PHLDB2: variants seen among roughly 807,000 people sequenced by gnomAD.
PHLDB2 encodes pleckstrin homology like domain family B member 2.
Under a neutral mutation model 123.6 loss-of-function variants are expected in PHLDB2, and 71 were observed. That is an observed-to-expected ratio of 0.57 (90% CI 0.47 to 0.70). The LOEUF (loss-of-function observed/expected upper bound fraction) is 0.70, where lower values mean the gene tolerates loss of function less well. Among genes scored for constraint, PHLDB2 ranks in the 30% least tolerant of loss-of-function variants. The probability of loss-of-function intolerance (pLI) is 0.00; values close to 1 mark genes in which losing one functional copy is unlikely to be tolerated. For synonymous variants in PHLDB2, 547 were observed against 541.6 expected (o/e 1.01, Z -0.14); for missense variants, 1,446 against 1,519.5 (o/e 0.95, Z 0.80).
intron 1 of PHLDB2, among the ~76,000 whole-genome samples, chr3:111,791,147 C>T (rs1460506474): frequency 1.3e-5 from 2 of 152,162 alleles, no homozygotes; most frequent in Non-Finnish European, 2.9e-5. Flanking sequence ...TGATGAGTTA[C>T]ACTGTAGGTG....
At chr3:111,972,971 T>G (rs566765426) in intron 16 of PHLDB2, among the ~76,000 whole-genome samples, 2 of 152,196 alleles carry the variant, frequency 1.3e-5, no homozygotes, top group African/African-American at 2.4e-5. Context: ...TACTAGGGTA[T>G]GATAGAGTCT....
chr3:111,920,592 G>T (rs1225158509), intron 5 of PHLDB2, among the ~76,000 whole-genome samples, 173 bp downstream of exon 5: 5 of 152,290 alleles, frequency 3.3e-5, no homozygotes, highest in East Asian at 1.9e-4. Flanking sequence ...ACCAAGAACT[G>T]CCAGGTACTG....
intron 1 of PHLDB2, among the ~76,000 whole-genome samples, chr3:111,754,379 T>C (rs1351291838): frequency 1.3e-4 from 18 of 141,076 alleles, no homozygotes; most frequent in Admixed American, 3.6e-4. Context: ...CCTTGTAAGT[T>C]GGATTCCTAG....
chr3:111,861,739 G>A (rs1261039157), intron 1 of PHLDB2, among the ~76,000 whole-genome samples: 1 of 152,208 alleles, frequency 6.6e-6, no homozygotes, highest in Admixed American at 6.5e-5. Flanking sequence ...AAACTCGTTA[G>A]CAACCTTTCC....
chr3:111,821,663 C>T (rs1018665575), intron 1 of PHLDB2, among the ~76,000 whole-genome samples: 1 of 152,140 alleles, frequency 6.6e-6, no homozygotes, highest in Non-Finnish European at 1.5e-5. Context: ...ACCTTCACAG[C>T]CACATTAGAC....
chr3:111,853,094 TTA>T (rs2064331151), intron 2 of PHLDB2, among the ~76,000 whole-genome samples: 1 of 152,182 alleles, frequency 6.6e-6, no homozygotes, highest in South Asian at 2.1e-4. Context: ...TATTTATACT[TTA>T]TCTATTTAAA....
chr3:111,952,090 G>A (rs1191057334), intron 10 of PHLDB2, among the ~76,000 whole-genome samples: 1 of 152,210 alleles, frequency 6.6e-6, no homozygotes, highest in Non-Finnish European at 1.5e-5. Flanking sequence ...GATTTGGAGT[G>A]TGTTTATGTG....
At chr3:111,901,384 T>C (rs2067196132) in intron 2 of PHLDB2, among the ~76,000 whole-genome samples, 1 of 151,566 alleles carries the variant, frequency 6.6e-6, no homozygotes, top group South Asian at 2.1e-4. Context: ...AATTAACACA[T>C]AATATTTTTA....
chr3:111,884,649 C>T lies in PHLDB2; in HGVS notation c.572C>T (p.Pro191Leu), dbSNP rs75357207. The T allele has an allele frequency of 2.1e-3, 3,442 of 1,614,170 alleles. 68 individuals are homozygous for T. In the African/African-American group the frequency reaches 0.038, roughly 18 times the overall value. ...NGSSLSDAGP[P>L]PISRSGAASM... ...AGTTCCCTGAGTGATGCTGGCCCGC[C>T]TCCTATCAGCAGATCGGGAGCCGCA... The change falls in exon 2 of 18, where the codon CCT becomes CTT. Residue 191 changes from proline to leucine, a missense_variant. This residue lies in a region of PHLDB2 where 832 missense variants were observed against 831.9 expected (regional missense o/e 1.00). Transcript: ENST00000431670.
intron 2 of PHLDB2, among the ~76,000 whole-genome samples, chr3:111,851,194 TAAAAA>T (rs11309576): frequency 1.9e-5 from 2 of 103,656 alleles, no homozygotes; most frequent in Non-Finnish European, 3.8e-5. Context: ...GATTCTGTCT[TAAAAA>T]AAAAAAAAAA....
intron 1 of PHLDB2, among the ~76,000 whole-genome samples, chr3:111,792,713 AAAAAAC>A (rs2060982456): frequency 6.6e-6 from 1 of 152,286 alleles, no homozygotes; most frequent in South Asian, 2.1e-4. Context: ...TCTCAAATTA[AAAAAAC>A]AAAAACAAAA....
intron 2 of PHLDB2, among the ~76,000 whole-genome samples, chr3:111,893,900 T>TTTTA (rs146051192): frequency 1.2e-4 from 16 of 136,630 alleles, no homozygotes; most frequent in South Asian, 2.3e-4. Context: ...TTGGATTTAT[T>TTTTA]TTTATTTATT....
At chr3:111,903,043 T>G (rs562462280) in intron 2 of PHLDB2, among the ~76,000 whole-genome samples, 17 of 152,368 alleles carry the variant, frequency 1.1e-4, no homozygotes, top group African/African-American at 4.1e-4. Flanking sequence ...GTATTTTTTT[T>G]TGTGATAGTA....
intron 1 of PHLDB2, among the ~76,000 whole-genome samples, chr3:111,822,044 A>G (rs2062410602): frequency 1.3e-5 from 2 of 152,158 alleles, no homozygotes; most frequent in African/African-American, 4.8e-5. Flanking sequence ...TTCTACAGGA[A>G]GAGTTTGAAT....
intron 1 of PHLDB2, among the ~76,000 whole-genome samples, chr3:111,736,572 C>T (rs1284934025): frequency 6.6e-6 from 1 of 152,130 alleles, no homozygotes; most frequent in Non-Finnish European, 1.5e-5. Context: ...AATATTCACG[C>T]AGTTCCCTGG....
intron 1 of PHLDB2, among the ~76,000 whole-genome samples, chr3:111,741,837 T>C (rs964371261): frequency 6.6e-6 from 1 of 152,200 alleles, no homozygotes; most frequent in African/African-American, 2.4e-5. Context: ...AAAAAATTCT[T>C]TCATGATGTC....
At chr3:111,936,337 T>G (rs556745110) in intron 6 of PHLDB2, among the ~76,000 whole-genome samples, 2 of 152,192 alleles carry the variant, frequency 1.3e-5, no homozygotes, top group African/African-American at 2.4e-5. Flanking sequence ...ATTCAATTAG[T>G]CATACATACT....
At chr3:111,761,056 G>A (rs913109797) in intron 1 of PHLDB2, among the ~76,000 whole-genome samples, 19 of 151,838 alleles carry the variant, frequency 1.3e-4, no homozygotes, top group Non-Finnish European at 2.4e-4. Flanking sequence ...GTGGTGGTGC[G>A]TGCTTGTAGT....
chr3:111,940,171 A>C (rs1266712682), intron 7 of PHLDB2, among the ~76,000 whole-genome samples: 1 of 152,208 alleles, frequency 6.6e-6, no homozygotes, highest in East Asian at 1.9e-4. Context: ...AGACAAGAGA[A>C]GGTGTTTTCT....
Sources: gnomAD v4.1 joint callset for allele counts (sites outside exome capture counted in the v4.1 genomes callset) on GRCh38, gnomAD v4.1.1 for gene constraint, gnomAD v4.1.1 regional missense constraint, MANE v1.5 for transcripts, NCBI Gene and HGNC (gene_info 2026-07-23, HGNC 2026-07-21) for gene names.